The following BAIAP3 variants were observed in gnomAD, a reference collection of about 807,000 sequenced individuals.
BAIAP3 encodes BAI1 associated protein 3.
BAIAP3 carries 180 observed loss-of-function variants against 149.7 expected under a neutral mutation model. The ratio of observed to expected loss-of-function variants is 1.20; its 90% CI spans 1.07 to 1.36. BAIAP3 has a LOEUF of 1.36. Ranked by LOEUF, BAIAP3 falls within the 40% of genes most tolerant of loss-of-function variation. The pLI is 0.00. For synonymous variants in BAIAP3, 845 were observed against 670.7 expected, an observed-to-expected ratio of 1.26 and a Z score of -4.02; for missense variants, 1,767 against 1,563.4, an observed-to-expected ratio of 1.13 and a Z score of -2.20.
intron 21 of BAIAP3, 30 bp from the exon 22 acceptor site, chr16:1,345,219 G>T: frequency 6.2e-7 from 1 of 1,611,360 alleles, no homozygotes; most frequent in Non-Finnish European, 8.5e-7. Flanking sequence ...TCTGAGTCAG[G>T]GCCGAGCCCT....
chr16:1,343,376 T>C lies in BAIAP3; in HGVS notation c.1266-17T>C, dbSNP rs556414956. On this transcript the variant is annotated splice_polypyrimidine_tract_variant and intron_variant, in intron 14 of 33. Coordinates refer to ENST00000426824, the MANE Select transcript of BAIAP3 (RefSeq NM_001199097.2). ...GGGCGGGGTTCATACCCTTTGACCA[T>C]GGGCCGGGCCCCACAGGCACTGGCA... 27 of 1,576,554 alleles carry C rather than the reference T, an allele frequency of 1.7e-5. No homozygotes were observed. Among genetic ancestry groups the C allele is most frequent in the South Asian group, 4.6e-5 (4 of 86,874 alleles).
At chr16:1,340,213 CACACAG>C (rs2033813283) in intron 5 of BAIAP3, among the ~76,000 whole-genome samples, 1 of 132,052 alleles carries the variant, frequency 7.6e-6, no homozygotes, top group Non-Finnish European at 1.6e-5. Context: ...GCTGCAGGTG[CACACAG>C]ACACACACAC....
chr16:1,341,278 C>A lies in BAIAP3; in HGVS notation c.536-16C>A. The A allele has an allele frequency of 6.2e-7, 1 of 1,606,368 alleles. No individual in the cohort carries two copies. Among genetic ancestry groups the A allele is most frequent in the Non-Finnish European group, 8.5e-7 (1 of 1,175,494 alleles). On this transcript the variant is annotated splice_polypyrimidine_tract_variant and intron_variant, in intron 7 of 33. Transcript: ENST00000426824. ...AGAGGGCGTGGGGCCAGGGCTGAGA[C>A]GCCTGCCGTGCCCAGGCTTCAGCGA... is the stretch of plus-strand genomic sequence containing the variant.
chr16:1,348,485 CCAT>C lies in BAIAP3; in HGVS notation c.*6_*8del, dbSNP rs1170052613. Reference sequence around the variant, plus strand: ...AGTGCATGGAGGCGGACCCCTGAGTCCATCAGCTGCCAGCCCCGGCCCTGGCCC... The same window carrying C: ...AGTGCATGGAGGCGGACCCCTGAGTCCAGCTGCCAGCCCCGGCCCTGGCCC... On this transcript the variant is annotated 3_prime_UTR_variant, in exon 34 of 34. Coordinates refer to ENST00000426824, the MANE Select transcript of BAIAP3 (RefSeq NM_001199097.2). 6.2e-7 allele frequency: 1 copy of C among 1,602,442 alleles called. No individual in the cohort carries two copies. The highest frequency in any genetic ancestry group is 8.5e-7 in the Non-Finnish European group (1 of 1,175,498).
chr16:1,347,214 T>G, intron 28 of BAIAP3, 84 bp from the exon 29 acceptor site: 1 of 1,387,222 alleles, frequency 7.2e-7, no homozygotes, highest in Non-Finnish European at 9.9e-7. Context: ...CAGTGCTGCC[T>G]GGGCCCCTTT....
intron 1 of BAIAP3, chr16:1,334,593 T>A (rs952710135): frequency 2.1e-6 from 3 of 1,459,050 alleles, no homozygotes; most frequent in Non-Finnish European, 2.8e-6. Flanking sequence ...GGCAGCCGTC[T>A]GAGGCTTCGG....
chr16:1,339,048 TCCTCCCCGCTC>T (rs779002214), intron 3 of BAIAP3, 59 bp downstream of exon 3: 40 of 1,604,342 alleles, frequency 2.5e-5, no homozygotes, highest in Non-Finnish European at 3.2e-5. Flanking sequence ...CCCCCTTTGC[TCCTCCCCGCTC>T]CCTCCTGCCC....
In BAIAP3 at chr16:1,348,740, C is replaced by G; in HGVS notation, c.*258C>G. The G allele has an allele frequency of 1.8e-6, 1 of 562,086 alleles. No homozygotes were observed. Among genetic ancestry groups the G allele is most frequent in the Non-Finnish European group, 3.2e-6 (1 of 314,112 alleles). The allele number at this position is 562,086 out of a possible 1,614,324, so 34.8% of individuals were successfully genotyped here. ...GCCAGCAGCTGCCCAGGACACAGTG[C>G]AGGCCAGAGCGGGCTTGACCACCTG... On this transcript the variant is annotated 3_prime_UTR_variant, in exon 34 of 34. Coordinates refer to ENST00000426824, the MANE Select transcript of BAIAP3 (RefSeq NM_001199097.2).
rs1440504546 is a variant in BAIAP3, at chr16:1,348,301, G to C, written c.3355G>C (p.Val1119Leu). ...TLHLCRPRAQVRSALRRLEGR... is the reference protein window; with the variant it reads ...TLHLCRPRAQLRSALRRLEGR... ...GCACCTGTGCCGGCCCAGAGCCCAG[G>C]GTGAGTGAGCATCTGGGTGGAGGCA... The change falls in exon 33 of 34, where the codon GTG becomes CTG. Residue 1119 changes from valine (V) to leucine (L), a missense_variant and splice_region_variant. By Grantham distance (32) the Val-to-Leu change is conservative (BLOSUM62 1). Transcript: ENST00000426824. 1 of 1,601,896 alleles carries C rather than the reference G, an allele frequency of 6.2e-7. No individual in the cohort carries two copies.
rs745870059 is a variant in BAIAP3 at position 1,342,241 on chromosome 16, C to G, written c.915C>G (p.Asp305Glu). ...RANGTAGPTE[D>E]HTDDFLGCLN... ...ACGGGACAGCAGGACCCACCGAGGACCACACCGATGACTTCCTGGGGTGCC... is the reference window on the plus strand; with the variant it reads ...ACGGGACAGCAGGACCCACCGAGGAGCACACCGATGACTTCCTGGGGTGCC... The change falls in exon 11 of 34, where the codon GAC (aspartate) becomes GAG (glutamate). Residue 305 changes from aspartate to glutamate, a missense_variant. Coordinates refer to ENST00000426824, the MANE Select transcript of BAIAP3 (RefSeq NM_001199097.2). 3.7e-6 allele frequency: 6 copies of G among 1,612,546 alleles called. No homozygotes were observed. Among genetic ancestry groups the G allele is most frequent in the Non-Finnish European group, 4.2e-6 (5 of 1,179,800 alleles).
rs368981628 is a variant in BAIAP3, at chr16:1,347,795, C to T, written c.2999C>T (p.Ala1000Val). The change falls in exon 31 of 34, where the codon GCG becomes GTG. Residue 1000 changes from alanine (A) to valine (V), a missense_variant. Coordinates refer to ENST00000426824, the MANE Select transcript of BAIAP3 (RefSeq NM_001199097.2). The part of the protein sequence containing the change: ...QRLAVEVLHA[A>V]DLLPLDANGL... ...CTGGCCGTGGAGGTGCTGCACGCCG[C>T]GGACCTGCTCCCCCTGGACGCCAAC... 47 of 1,606,570 alleles carry T rather than the reference C, an allele frequency of 2.9e-5. No individual in the cohort carries two copies. The highest frequency in any genetic ancestry group is 2.4e-4 in the African/African-American group (18 of 74,814).
At chr16:1,338,516 T>C in intron 1 of BAIAP3, 24 bp from the exon 2 acceptor site, 1 of 1,337,982 alleles carries the variant, frequency 7.5e-7, no homozygotes, top group Non-Finnish European at 9.9e-7. Context: ...GACCTGAGGC[T>C]GCGGGCTGTG....
At position 1,348,162 on chromosome 16, in the gene BAIAP3, C is replaced by G; in HGVS notation, c.3216C>G (p.Asp1072Glu). 1 of 1,608,764 alleles carries G rather than the reference C, an allele frequency of 6.2e-7. No homozygotes were observed. Among genetic ancestry groups the G allele is most frequent in the Non-Finnish European group, 8.5e-7 (1 of 1,179,762 alleles). ...ACVLFTVMDHDWLSTNDFAGE... is the reference protein window; with the variant it reads ...ACVLFTVMDHEWLSTNDFAGE... ...TGTTGTTCACCGTCATGGACCACGA[C>G]TGGCTGTCCACCAACGACTTCGCTG... The change falls in exon 33 of 34, where the codon GAC becomes GAG. Residue 1072 changes from aspartate (D) to glutamate (E), a missense_variant. Coordinates refer to ENST00000426824, the MANE Select transcript of BAIAP3 (RefSeq NM_001199097.2).
chr16:1,344,977 G>C lies in BAIAP3; in HGVS notation c.1818G>C (p.Glu606Asp), dbSNP rs765841062. Residue 606 changes from glutamate to aspartate, a missense_variant, in exon 21 of 34, where the codon GAG (glutamate) becomes GAC (aspartate). Transcript: ENST00000426824. ...TFRQLERLVA[E>D]EAWVLTEELS... ...CCTGCTGTCCCGGACAGGTGGCTGA[G>C]GAGGCGTGGGTGCTGACGGAGGAGC... The C allele has an allele frequency of 3.1e-6, 5 of 1,613,026 alleles. No homozygotes were observed.
chr16:1,335,282 G>A (rs2033382016), intron 1 of BAIAP3, among the ~76,000 whole-genome samples: 1 of 152,256 alleles, frequency 6.6e-6, no homozygotes. Context: ...CTCAGCCCCA[G>A]TGCCACAAGG....
rs941210753 is a variant in BAIAP3, at chr16:1,337,210, G to A, written c.-10-1330G>A. On this transcript the variant is annotated intron_variant, in intron 1 of 33. Transcript: ENST00000426824. ...GGGGGTGTGCAGGGCAGGACCACCC[G>A]GCCTTCCTCCCTGACACAGGTGGGC... Among the ~76,000 whole-genome samples, 3 of 152,290 alleles carry A rather than the reference G, an allele frequency of 2.0e-5. No homozygotes were observed. The East Asian group carries it at 5.8e-4, about 29-fold the overall frequency.
At chr16:1,340,162 A>T in intron 5 of BAIAP3, among the ~76,000 whole-genome samples, 1 of 132,556 alleles carries the variant, frequency 7.5e-6, no homozygotes. Flanking sequence ...ACACAGACAC[A>T]CGCACACAGG....
At position 1,343,517 on chromosome 16, in the gene BAIAP3, G is replaced by A; in HGVS notation, c.1386+4G>A. 6.2e-7 allele frequency: 1 copy of A among 1,606,018 alleles called. No homozygotes were observed. ...TCCTTCACTGCCCCAGGAGCAGGTG[G>A]GTGCAGCCGGGACCTTCTTGCCAGC... On this transcript the variant is annotated splice_donor_region_variant and intron_variant, in intron 15 of 33. Transcript: ENST00000426824.
At chr16:1,341,896 G>A (rs758826948) in intron 9 of BAIAP3, 30 bp downstream of exon 9, 43 of 1,605,022 alleles carry the variant, frequency 2.7e-5, no homozygotes, top group Non-Finnish European at 3.1e-5. Context: ...GCAGGGCGGC[G>A]GGGATGCACA....
Sources: gnomAD v4.1 joint callset for allele counts (sites outside exome capture counted in the v4.1 genomes callset) on GRCh38, gnomAD v4.1.1 for gene constraint, MANE v1.5 for transcripts, NCBI Gene and HGNC (gene_info 2026-07-23, HGNC 2026-07-21) for gene names.